CNTN5: variants seen among roughly 807,000 people sequenced by gnomAD.
CNTN5 encodes contactin-5.
A neutral mutation model predicts 129.1 loss-of-function variants in CNTN5; 77 were observed. That is an observed-to-expected ratio of 0.60 (90% CI 0.50 to 0.72). The LOEUF is 0.72. Ranked by LOEUF, CNTN5 falls within the 30% of genes least tolerant of loss-of-function variation. The pLI, the probability that CNTN5 is intolerant of heterozygous loss-of-function variation, is 0.00. For missense variants in CNTN5, 1,478 were observed against 1,328.8 expected (o/e 1.11, Z -1.75); for synonymous variants, 509 against 465.6 (o/e 1.09, Z -1.20).
At chr11:100,055,887 A>G (rs183876894) in intron 9 of CNTN5, among the ~76,000 whole-genome samples, 3 of 151,394 alleles carry the variant, frequency 2.0e-5, no homozygotes, top group Admixed American at 1.3e-4. Context: ...CTCTATCTCT[A>G]TATCTATTAT....
At chr11:99,387,054 GAT>G (rs1940964530) in intron 2 of CNTN5, among the ~76,000 whole-genome samples, 1 of 151,992 alleles carries the variant, frequency 6.6e-6, no homozygotes, top group Admixed American at 6.6e-5. Flanking sequence ...TTTCCAATTA[GAT>G]ATATGTTATC....
chr11:99,727,222 C>T (rs370941929), intron 3 of CNTN5, among the ~76,000 whole-genome samples: 37 of 143,478 alleles, frequency 2.6e-4, no homozygotes, highest in Non-Finnish European at 4.8e-4. Context: ...AGGAGAATGG[C>T]GTGAACCCGG....
chr11:100,347,245 T>A (rs1385684478), intron 23 of CNTN5, among the ~76,000 whole-genome samples: 1 of 152,124 alleles, frequency 6.6e-6, no homozygotes, highest in Non-Finnish European at 1.5e-5. Flanking sequence ...ACTAGAACTT[T>A]GAAGCCCATC....
At chr11:99,493,144 T>G (rs1946099934) in intron 2 of CNTN5, among the ~76,000 whole-genome samples, 1 of 152,254 alleles carries the variant, frequency 6.6e-6, no homozygotes. Context: ...TGTTTGTATT[T>G]TTAACTTATA....
At chr11:99,022,579 G>T (rs966140771) in intron 1 of CNTN5, among the ~76,000 whole-genome samples, 4 of 151,970 alleles carry the variant, frequency 2.6e-5, no homozygotes, top group African/African-American at 9.7e-5. Flanking sequence ...AGTTTACTCT[G>T]ACTCTAATCG....
At position 99,116,280 on chromosome 11, in the gene CNTN5, C is replaced by T. The variant is rs1030411285; in HGVS notation, c.-210+95010C>T. On this transcript the variant is annotated intron_variant, in intron 1 of 24. Transcript: ENST00000524871. Reference sequence around the variant, plus strand: ...CATTTTCCACAATAATATTTTATATCGATTTCCCCCAAAATTTATCTGCAC... The same window carrying T: ...CATTTTCCACAATAATATTTTATATTGATTTCCCCCAAAATTTATCTGCAC... 3.3e-5 allele frequency among the ~76,000 whole-genome samples: 5 copies of T among 152,134 alleles called. No homozygotes were observed. The East Asian group carries it at 9.7e-4, about 29-fold the overall frequency.
At chr11:99,629,826 G>A (rs1328107576) in intron 3 of CNTN5, among the ~76,000 whole-genome samples, 4 of 151,440 alleles carry the variant, frequency 2.6e-5, no homozygotes, top group Non-Finnish European at 5.9e-5. Context: ...AGTGGAGACT[G>A]ATTTGTATTA....
chr11:99,033,242 G>C (rs1863497497), intron 1 of CNTN5, among the ~76,000 whole-genome samples: 1 of 151,520 alleles, frequency 6.6e-6, no homozygotes, highest in African/African-American at 2.4e-5. Context: ...GATTGACTTG[G>C]CAATGCGGGC....
chr11:99,554,677 A>G (rs566138960), intron 2 of CNTN5, among the ~76,000 whole-genome samples: 1 of 152,132 alleles, frequency 6.6e-6, no homozygotes, highest in Non-Finnish European at 1.5e-5. Context: ...ACAATTTCAA[A>G]AAAGGTCAAT....
rs182616422 is a variant in CNTN5, at chr11:99,262,859, C to A, written c.-209-62487C>A. On this transcript the variant is annotated intron_variant, in intron 1 of 24. Coordinates refer to ENST00000524871, the MANE Select transcript of CNTN5 (RefSeq NM_014361.4). ...GGCTTACAATTTATTCTTTCTCCTG[C>A]AACACCTAGCACAGAGCTACTTTAC... Among the ~76,000 whole-genome samples, 359 of 152,134 alleles carry A rather than the reference C, an allele frequency of 2.4e-3. 6 individuals carry two copies. Among genetic ancestry groups the A allele is most frequent in the Non-Finnish European group, 1.0e-3 (70 of 67,988 alleles).
chr11:99,877,859 A>T (rs1451299694), intron 6 of CNTN5, among the ~76,000 whole-genome samples: 1 of 152,214 alleles, frequency 6.6e-6, no homozygotes, highest in Non-Finnish European at 1.5e-5. Flanking sequence ...GTATAATACC[A>T]ATTTATTTCA....
chr11:99,773,518 T>C lies in CNTN5; in HGVS notation c.56-46026T>C, dbSNP rs1248509789. On this transcript the variant is annotated intron_variant, in intron 3 of 24. Transcript: ENST00000524871. ...TGTATTTAAATACTAACCTAGGGTA[T>C]GTTAGACTGCAAATTAATTTTTGAA... Among the ~76,000 whole-genome samples, 10 of 152,202 alleles carry C rather than the reference T, an allele frequency of 6.6e-5. No homozygotes were observed. The East Asian group carries it at 1.9e-3, about 29-fold the overall frequency.
chr11:100,209,926 ACT>A (rs1948991797), intron 15 of CNTN5, among the ~76,000 whole-genome samples: 1 of 152,194 alleles, frequency 6.6e-6, no homozygotes, highest in African/African-American at 2.4e-5. Context: ...GCAGAGCTTA[ACT>A]AGTGGAGAGA....
chr11:99,406,975 C>A (rs1942101429), intron 2 of CNTN5, among the ~76,000 whole-genome samples: 1 of 150,960 alleles, frequency 6.6e-6, no homozygotes, highest in Non-Finnish European at 1.5e-5. Flanking sequence ...CAAGGTAGGT[C>A]CAAAAATGCC....
At chr11:99,174,188 G>A (rs555757679) in intron 1 of CNTN5, among the ~76,000 whole-genome samples, 4 of 152,050 alleles carry the variant, frequency 2.6e-5, no homozygotes, top group East Asian at 3.9e-4. Flanking sequence ...CTGTAGAGAC[G>A]GGGTTTCACC....
chr11:100,126,765 T>C (rs1228840049), intron 13 of CNTN5, among the ~76,000 whole-genome samples: 2 of 152,096 alleles, frequency 1.3e-5, no homozygotes, highest in Non-Finnish European at 2.9e-5. Flanking sequence ...AAGTGGGTTG[T>C]TTAGATCGTT....
At chr11:99,239,936 C>CAA (rs386374626) in intron 1 of CNTN5, among the ~76,000 whole-genome samples, 2,395 of 104,994 alleles carry the variant, frequency 0.023, 27 homozygotes, top group African/African-American at 0.035. Flanking sequence ...GACTCCGTCT[C>CAA]AAAAAAAAAA....
chr11:99,399,577 T>C (rs1196065175), intron 2 of CNTN5, among the ~76,000 whole-genome samples: 1 of 148,536 alleles, frequency 6.7e-6, no homozygotes, highest in African/African-American at 2.5e-5. Context: ...TCTTTGTAGT[T>C]ATATATGCAA....
At chr11:99,348,236 G>A (rs1400264672) in intron 2 of CNTN5, among the ~76,000 whole-genome samples, 1 of 152,132 alleles carries the variant, frequency 6.6e-6, no homozygotes, top group Non-Finnish European at 1.5e-5. Flanking sequence ...CTACTTGGGA[G>A]GCTGAGGCAG....
Sources: allele counts gnomAD v4.1 joint callset (sites outside exome capture counted in the v4.1 genomes callset), GRCh38; gene constraint gnomAD v4.1.1; transcripts MANE v1.5; gene names NCBI Gene and HGNC (gene_info 2026-07-23, HGNC 2026-07-21).